PCNX1: variants seen among roughly 807,000 people sequenced by gnomAD.
PCNX1 encodes the protein pecanex 1.
PCNX1 carries 78 observed loss-of-function variants against 242.2 expected under a neutral mutation model. That is an observed-to-expected ratio of 0.32 (90% CI 0.27 to 0.39). The LOEUF (loss-of-function observed/expected upper bound fraction) is 0.39, where lower values mean the gene tolerates loss of function less well. Among genes scored for constraint, PCNX1 ranks in the 10% least tolerant of loss-of-function variants. The pLI, the probability that PCNX1 is intolerant of heterozygous loss-of-function variation, is 1.00. For missense variants in PCNX1, 2,581 were observed against 2,856.5 expected, an observed-to-expected ratio of 0.90 and a Z score of 2.20; for synonymous variants, 1,024 against 1,032.9, an observed-to-expected ratio of 0.99 and a Z score of 0.17.
At chr14:70,962,998 A>G (rs1378709801) in intron 3 of PCNX1, among the ~76,000 whole-genome samples, 2 of 152,358 alleles carry the variant, frequency 1.3e-5, no homozygotes, top group African/African-American at 2.4e-5. Context: ...AGACCTTTAC[A>G]TAACTATAGG....
At position 70,956,310 on chromosome 14, in the gene PCNX1, A is replaced by C. The variant is rs541655266; in HGVS notation, c.363-5916A>C. Among the ~76,000 whole-genome samples, 3 of 152,274 alleles carry C rather than the reference A, an allele frequency of 2.0e-5. No individual in the cohort carries two copies. The East Asian group carries it at 5.8e-4, about 29-fold the overall frequency. On this transcript the variant is annotated intron_variant, in intron 2 of 35. Coordinates refer to ENST00000304743, the MANE Select transcript of PCNX1 (RefSeq NM_014982.3). ...GTATTCCCAGCACTTTGGGAGGCCA[A>C]GGTGGGAGGATCCCTTGAGGCCAGG...
At chr14:70,913,058 A>G (rs2055994218) in intron 1 of PCNX1, among the ~76,000 whole-genome samples, 1 of 152,110 alleles carries the variant, frequency 6.6e-6, no homozygotes, top group Non-Finnish European at 1.5e-5. Context: ...CACTTAACAC[A>G]AACATATATT....
At chr14:70,912,575 T>A (rs1264792179) in intron 1 of PCNX1, among the ~76,000 whole-genome samples, 1 of 151,612 alleles carries the variant, frequency 6.6e-6, no homozygotes, top group Non-Finnish European at 1.5e-5. Flanking sequence ...TTTTCCTCAC[T>A]CTGTCATGTT....
intron 15 of PCNX1, among the ~76,000 whole-genome samples, chr14:71,027,809 A>C (rs2060277990): frequency 6.6e-6 from 1 of 151,968 alleles, no homozygotes; most frequent in Non-Finnish European, 1.5e-5. Context: ...AACTGGTTTC[A>C]TCAATCAGCA....
rs1566729638 is a variant in PCNX1, at chr14:71,036,048, C to T, written c.3775-17C>T. The T allele has an allele frequency of 6.8e-7, 1 of 1,473,668 alleles. No homozygotes were observed. Among genetic ancestry groups the T allele is most frequent in the South Asian group, 1.2e-5 (1 of 81,260 alleles). 91.3% of individuals were successfully genotyped at this position (1,473,668 alleles called of 1,614,324 possible). The stretch of plus-strand genomic sequence containing the variant: ...AATTTTATGTAATTGTTTAATAATT[C>T]TTTTTTTTCCCCACAGAGTGAGCGA... On this transcript the variant is annotated splice_polypyrimidine_tract_variant and intron_variant, in intron 18 of 35. Transcript: ENST00000304743.
chr14:71,050,569 A>G, intron 22 of PCNX1, 83 bp from the exon 23 acceptor site: 2 of 1,312,656 alleles, frequency 1.5e-6, no homozygotes, highest in Non-Finnish European at 2.1e-6. Context: ...CTCCTAATAC[A>G]TTTTACAGGG....
intron 22 of PCNX1, among the ~76,000 whole-genome samples, chr14:71,049,356 A>T (rs1379285400): frequency 1.3e-5 from 2 of 152,170 alleles, no homozygotes; most frequent in African/African-American, 4.8e-5. Context: ...TAACAATGAT[A>T]ATCAGTAATA....
At chr14:71,105,973 A>T (rs1483723849) in intron 33 of PCNX1, among the ~76,000 whole-genome samples, 1 of 149,566 alleles carries the variant, frequency 6.7e-6, no homozygotes, top group Non-Finnish European at 1.5e-5. Flanking sequence ...AAACATTTTA[A>T]TATATTAAGG....
intron 1 of PCNX1, among the ~76,000 whole-genome samples, chr14:70,946,483 G>A (rs2057461923): frequency 6.6e-6 from 1 of 152,172 alleles, no homozygotes. Context: ...GTGCTGTCCA[G>A]TGGGAATGTA....
intron 30 of PCNX1, among the ~76,000 whole-genome samples, chr14:71,091,215 C>T (rs1222040204): frequency 6.6e-6 from 1 of 152,094 alleles, no homozygotes; most frequent in Non-Finnish European, 1.5e-5. Context: ...ATATATTGAT[C>T]GTCACTTTGA....
chr14:71,071,453 G>GGT (rs2061584510), intron 26 of PCNX1, among the ~76,000 whole-genome samples: 1 of 152,120 alleles, frequency 6.6e-6, no homozygotes, highest in South Asian at 2.1e-4. Flanking sequence ...GGAGGGGTTT[G>GGT]GTGGGATGTG....
At chr14:71,035,998 G>A (rs1433143774) in intron 18 of PCNX1, 67 bp from the exon 19 acceptor site, 11 of 1,050,464 alleles carry the variant, frequency 1.0e-5, no homozygotes, top group Non-Finnish European at 1.6e-5. Flanking sequence ...TTGCCAATTG[G>A]GAATAAAGGA....
rs1271380208 is a variant in PCNX1 at position 71,085,933 on chromosome 14, C to G, written c.5338-2397C>G. 5 of 159,746 alleles carry G rather than the reference C, an allele frequency of 3.1e-5. No homozygotes were observed. In the East Asian group the frequency reaches 8.8e-4, roughly 28 times the overall value. 9.9% of individuals were successfully genotyped at this position (159,746 alleles called of 1,614,324 possible). The stretch of plus-strand genomic sequence containing the variant: ...TTTCTGTTTTCCTCTACGCCTTTTG[C>G]AGGAACTCCAATTATATTTGTATTA... On this transcript the variant is annotated intron_variant, in intron 28 of 35. Coordinates refer to ENST00000304743, the MANE Select transcript of PCNX1 (RefSeq NM_014982.3).
intron 8 of PCNX1, among the ~76,000 whole-genome samples, chr14:71,008,510 G>T (rs575203999): frequency 6.6e-6 from 1 of 151,982 alleles, no homozygotes; most frequent in South Asian, 2.1e-4. Flanking sequence ...CGAAAAATTA[G>T]CCGGGCGTGG....
At chr14:70,980,801 A>G (rs185121615) in intron 6 of PCNX1, among the ~76,000 whole-genome samples, 1 of 152,236 alleles carries the variant, frequency 6.6e-6, no homozygotes, top group Non-Finnish European at 1.5e-5. Flanking sequence ...ATCCTTCCTT[A>G]CATACTGTAC....
intron 30 of PCNX1, chr14:71,093,173 A>T (rs1322178522): frequency 5.9e-5 from 9 of 152,208 alleles, no homozygotes; most frequent in African/African-American, 2.2e-4. Context: ...TACACCATTG[A>T]AGATGCCCTT....
chr14:71,055,837 A>G (rs2141228752), intron 25 of PCNX1, among the ~76,000 whole-genome samples: 1 of 152,364 alleles, frequency 6.6e-6, no homozygotes, highest in East Asian at 1.9e-4. Context: ...AAATGTAGAA[A>G]AACAGTTAAA....
chr14:71,008,910 T>A (rs1464333142), intron 8 of PCNX1, among the ~76,000 whole-genome samples: 1 of 152,070 alleles, frequency 6.6e-6, no homozygotes, highest in African/African-American at 2.4e-5. Flanking sequence ...TTTTAAAATT[T>A]CATTATTAGA....
At chr14:71,059,640 G>A (rs989434093) in intron 26 of PCNX1, among the ~76,000 whole-genome samples, 4 of 151,996 alleles carry the variant, frequency 2.6e-5, no homozygotes, top group African/African-American at 9.7e-5. Context: ...CGACCCTCCA[G>A]CCTTGACCTC....
Sources: allele counts gnomAD v4.1 joint callset (sites outside exome capture counted in the v4.1 genomes callset), GRCh38; gene constraint gnomAD v4.1.1; transcripts MANE v1.5; gene names NCBI Gene and HGNC (gene_info 2026-07-23, HGNC 2026-07-21).